ABLIM3: variants seen among roughly 807,000 people sequenced by gnomAD.
ABLIM3 encodes actin binding LIM protein family member 3.
ABLIM3 carries 61 observed loss-of-function variants against 109.5 expected under a neutral mutation model. The observed-to-expected ratio is 0.56, with a 90% CI of 0.45 to 0.69. ABLIM3 has a LOEUF of 0.69. Ranked by LOEUF, ABLIM3 falls within the 30% of genes least tolerant of loss-of-function variation. ABLIM3 has a pLI of 0.00. For missense variants in ABLIM3, 796 were observed against 889.5 expected, an observed-to-expected ratio of 0.89 and a Z score of 1.34; for synonymous variants, 300 against 324.8, an observed-to-expected ratio of 0.92 and a Z score of 0.82.
chr5:149,189,996 T>C (rs1757331253), intron 3 of ABLIM3, among the ~76,000 whole-genome samples: 1 of 152,118 alleles, frequency 6.6e-6, no homozygotes. Context: ...ATAAATAAAA[T>C]GTGATCTATC....
intron 2 of ABLIM3, among the ~76,000 whole-genome samples, chr5:149,157,723 A>C (rs1056733042): frequency 6.6e-6 from 1 of 151,966 alleles, no homozygotes; most frequent in African/African-American, 2.4e-5. Context: ...GAGTGTGGGA[A>C]TACCAGTGGC....
In ABLIM3 at chr5:149,198,340, C is replaced by T. The variant is rs748022848; in HGVS notation, c.273C>T (p.Gly91=). The change falls in exon 4 of 24, where the codon GGC becomes GGT. Residue 91 remains glycine, a synonymous_variant. Coordinates refer to ENST00000309868, the MANE Select transcript of ABLIM3 (RefSeq NM_014945.5). The surrounding 1 kb of genome is among the most constrained non-coding windows in gnomAD (Gnocchi z 4.2). The part of the protein sequence containing the change: ...RCDSCRDFIT[G]EVISALGRTY... ...ACAGCTGCCGGGACTTCATCACAGG[C>T]GAAGTCATCTCGGCCCTGGGCCGCA... is the stretch of plus-strand genomic sequence containing the variant. The T allele has an allele frequency of 2.9e-5, 47 of 1,614,094 alleles. No homozygotes were observed. The highest frequency in any genetic ancestry group is 3.4e-5 in the Non-Finnish European group (40 of 1,180,032).
intron 23 of ABLIM3, among the ~76,000 whole-genome samples, chr5:149,255,456 C>G (rs1754345754): frequency 6.6e-6 from 1 of 152,086 alleles, no homozygotes; most frequent in African/African-American, 2.4e-5. Context: ...AAATAAATGA[C>G]ACCATGTGTT....
chr5:149,169,087 C>CCCTCAACCACTGACTTTGCTGTAGGACT (rs1755114192), intron 2 of ABLIM3, among the ~76,000 whole-genome samples: 1 of 129,822 alleles, frequency 7.7e-6, no homozygotes, highest in African/African-American at 3.0e-5. Context: ...GCTGTAGGAC[C>CCCTCAACCACTGACTTTGCTGTAGGACT]CCCCCACCCC....
chr5:149,199,623 C>T (rs1013864175), intron 4 of ABLIM3, among the ~76,000 whole-genome samples: 3 of 152,242 alleles, frequency 2.0e-5, no homozygotes, highest in African/African-American at 7.2e-5. Flanking sequence ...GGTGCTCCCT[C>T]CATCGTGCCA....
At chr5:149,241,762 AAG>A (rs1306358330) in intron 14 of ABLIM3, among the ~76,000 whole-genome samples, 2 of 152,184 alleles carry the variant, frequency 1.3e-5, no homozygotes, top group African/African-American at 4.8e-5. Context: ...CTGTCTCAAA[AAG>A]AAAAAAAGAT....
At chr5:149,234,487 C>G (rs1006996185) in intron 10 of ABLIM3, among the ~76,000 whole-genome samples, 1 of 152,344 alleles carries the variant, frequency 6.6e-6, no homozygotes, top group East Asian at 1.9e-4. Flanking sequence ...AATCCACATC[C>G]AGTCTCCTCT....
rs556272022 is a variant in ABLIM3, at chr5:149,245,970, C to T, written c.1487-512C>T. On this transcript the variant is annotated intron_variant, in intron 16 of 23. Transcript: ENST00000309868. Reference sequence around the variant, plus strand: ...TTGAGCCCAGGAAATTGAGACCAGCCTGGACAACATAGCACTTCTTCTCTA... The same window carrying T: ...TTGAGCCCAGGAAATTGAGACCAGCTTGGACAACATAGCACTTCTTCTCTA... Among the ~76,000 whole-genome samples the T allele has an allele frequency of 2.0e-5, 3 of 152,216 alleles. No homozygotes were observed. In the South Asian group the frequency reaches 6.2e-4, roughly 32 times the overall value.
chr5:149,179,608 AT>A (rs574522862), intron 2 of ABLIM3, among the ~76,000 whole-genome samples: 96 of 146,360 alleles, frequency 6.6e-4, no homozygotes, highest in Middle Eastern at 3.5e-3. Context: ...TAATTTGTAC[AT>A]TTTTTTTTTT....
At position 149,259,907 on chromosome 5, in the gene ABLIM3, G is replaced by T; in HGVS notation, c.*1503G>T. The T allele has an allele frequency of 6.0e-6, 2 of 333,822 alleles. No individual in the cohort carries two copies. Among genetic ancestry groups the T allele is most frequent in the Non-Finnish European group, 1.1e-5 (2 of 176,172 alleles). 20.7% of individuals were successfully genotyped at this position (333,822 alleles called of 1,614,324 possible). A position where few individuals can be genotyped will look rare whatever the true frequency, so the allele number is the denominator to read the frequency against. On this transcript the variant is annotated 3_prime_UTR_variant, in exon 24 of 24. Transcript: ENST00000309868. ...GCACCTCTGATGTTGAGCACCTGCT[G>T]AATACTGAGCACTGAATGGGGGAGG...
intron 1 of ABLIM3, 177 bp downstream of exon 1, chr5:149,141,831 A>G: frequency 1.8e-6 from 1 of 546,158 alleles, no homozygotes; most frequent in East Asian, 3.1e-5. Flanking sequence ...CAATCTGAGG[A>G]GCAGGAGGAC....
chr5:149,256,570 G>T (rs896035437), intron 23 of ABLIM3, among the ~76,000 whole-genome samples: 1 of 152,198 alleles, frequency 6.6e-6, no homozygotes, highest in Non-Finnish European at 1.5e-5. Flanking sequence ...TAATGGACAG[G>T]TATCAGGGAA....
At chr5:149,203,776 C>A (rs1021146810) in intron 5 of ABLIM3, among the ~76,000 whole-genome samples, 4 of 152,208 alleles carry the variant, frequency 2.6e-5, no homozygotes, top group Non-Finnish European at 5.9e-5. Flanking sequence ...ATCAGCATCA[C>A]CACCACTAAC....
At chr5:149,165,370 T>C (rs1226722342) in intron 2 of ABLIM3, among the ~76,000 whole-genome samples, 2 of 152,226 alleles carry the variant, frequency 1.3e-5, no homozygotes, top group African/African-American at 4.8e-5. Flanking sequence ...TGGGAATACA[T>C]TTATGCATTG....
intron 2 of ABLIM3, among the ~76,000 whole-genome samples, chr5:149,144,487 T>C (rs1317946573): frequency 1.3e-5 from 2 of 152,180 alleles, no homozygotes; most frequent in African/African-American, 4.8e-5. Flanking sequence ...GATGTGAAAT[T>C]CTTAACTTGA....
At chr5:149,195,402 A>G (rs748072417) in intron 3 of ABLIM3, among the ~76,000 whole-genome samples, 1 of 152,236 alleles carries the variant, frequency 6.6e-6, no homozygotes, top group African/African-American at 2.4e-5. Flanking sequence ...TCCATCTGTC[A>G]TGCTGGTCCA....
chr5:149,155,271 A>G (rs1363430122), intron 2 of ABLIM3, among the ~76,000 whole-genome samples: 1 of 152,148 alleles, frequency 6.6e-6, no homozygotes, highest in Non-Finnish European at 1.5e-5. Context: ...TTCCCGTTGG[A>G]TGCCCCAGCA....
chr5:149,258,400 T>G lies in ABLIM3; in HGVS notation c.2048T>G (p.Phe683Cys). ...GAACTGAAGAAGCAAGCCCGGCTGTTCTAGGCAGAGGCTCTATAAATATAT... is the reference window on the plus strand; with the variant it reads ...GAACTGAAGAAGCAAGCCCGGCTGTGCTAGGCAGAGGCTCTATAAATATAT... Reference protein sequence around the residue: ...RNELKKQARLF With the variant: ...RNELKKQARLC The change falls in exon 24 of 24, where the codon TTC becomes TGC. Residue 683 changes from phenylalanine to cysteine, a missense_variant. Transcript: ENST00000309868. 1 of 1,613,914 alleles carries G rather than the reference T, an allele frequency of 6.2e-7. No individual in the cohort carries two copies. Among genetic ancestry groups the G allele is most frequent in the Non-Finnish European group, 8.5e-7 (1 of 1,180,000 alleles).
chr5:149,223,088 A>G (rs547050455), intron 8 of ABLIM3, among the ~76,000 whole-genome samples: 4 of 152,190 alleles, frequency 2.6e-5, no homozygotes, highest in African/African-American at 9.6e-5. Flanking sequence ...ATTTCATTTT[A>G]AATAGAGTAT....
Sources: gnomAD v4.1 joint callset for allele counts (sites outside exome capture counted in the v4.1 genomes callset) on GRCh38, gnomAD v4.1.1 for gene constraint, Gnocchi (gnomAD v3.1) non-coding constraint, MANE v1.5 for transcripts, NCBI Gene and HGNC (gene_info 2026-07-23, HGNC 2026-07-21) for gene names.